PECAM1: variants seen among roughly 807,000 people sequenced by gnomAD.
The protein encoded by PECAM1 is platelet endothelial cell adhesion molecule.
Under a neutral mutation model 13.8 loss-of-function variants are expected in PECAM1, and 8 were observed. The ratio of observed to expected loss-of-function variants is 0.58; its 90% CI spans 0.34 to 1.05. PECAM1 has a LOEUF of 1.05. PECAM1 is among the 50% of genes least tolerant of loss of function. The pLI is 0.03. For missense variants in PECAM1, 304 were observed against 141.2 expected (o/e 2.15, Z -5.84); for synonymous variants, 136 against 52.6 (o/e 2.58, Z -6.86).
intron 14 of PECAM1, among the ~76,000 whole-genome samples, chr17:64,330,285 CT>C (rs2035072485): frequency 6.6e-6 from 1 of 152,100 alleles, no homozygotes; most frequent in Non-Finnish European, 1.5e-5. Context: ...TCCCAAAGTG[CT>C]GGGATTACAA....
At chr17:64,330,581 A>C (rs2035084485) in intron 14 of PECAM1, among the ~76,000 whole-genome samples, 1 of 151,246 alleles carries the variant, frequency 6.6e-6, no homozygotes, top group South Asian at 2.1e-4. Context: ...GGTTGCAGTG[A>C]GCTGAGATCG....
chr17:64,382,291 G>A (rs1479722076), intron 2 of PECAM1, among the ~76,000 whole-genome samples: 11 of 152,142 alleles, frequency 7.2e-5, no homozygotes, highest in African/African-American at 2.7e-4. Flanking sequence ...CTAAAGAGCA[G>A]AAATCAAGTG....
chr17:64,371,896 T>C (rs2036249520), intron 4 of PECAM1, among the ~76,000 whole-genome samples: 5 of 152,162 alleles, frequency 3.3e-5, no homozygotes, highest in African/African-American at 9.7e-5. Flanking sequence ...AAAATGACTT[T>C]AGTCAAATTT....
rs921835362 is a variant in PECAM1 at position 64,356,279 on chromosome 17, T to C, written c.1612A>G (p.Arg538Gly). The change falls in exon 8 of 16, where the codon AGA (arginine) becomes GGA (glycine). Residue 538 changes from arginine to glycine, a missense_variant. Physicochemically the swap from Arg to Gly is moderately radical, Grantham distance 125 (BLOSUM62 -2). Coordinates refer to ENST00000563924, the MANE Select transcript of PECAM1 (RefSeq NM_000442.5). ...TAGAAGGGTTTGCCCTCTTTTTCTC[T>C]GTAAAACTTATAGGTGATGGGACCA... ...GSGPITYKFY[R>G]EKEGKPFYQM... is the part of the protein sequence containing the mutation. 2 of 474,904 alleles carry C rather than the reference T, an allele frequency of 4.2e-6. No homozygotes were observed. Among genetic ancestry groups the C allele is most frequent in the East Asian group, 3.1e-5 (1 of 31,990 alleles). 29.4% of individuals were successfully genotyped at this position (474,904 alleles called of 1,614,324 possible). A position where few individuals can be genotyped will look rare whatever the true frequency, so the allele number is the denominator to read the frequency against.
intron 14 of PECAM1, among the ~76,000 whole-genome samples, chr17:64,330,036 C>T (rs931518776): frequency 1.3e-5 from 2 of 151,954 alleles, no homozygotes; most frequent in African/African-American, 2.4e-5. Context: ...CTTGGCTCAC[C>T]GTAACCTCTA....
At chr17:64,374,306 A>G (rs1237537502) in intron 4 of PECAM1, among the ~76,000 whole-genome samples, 3 of 152,104 alleles carry the variant, frequency 2.0e-5, no homozygotes, top group Non-Finnish European at 2.9e-5. Context: ...CCTGGCCAAC[A>G]TGGTAAAACC....
intron 15 of PECAM1, among the ~76,000 whole-genome samples, 154 bp downstream of exon 15, chr17:64,329,546 C>T (rs1403434999): frequency 6.6e-6 from 1 of 152,098 alleles, no homozygotes; most frequent in Non-Finnish European, 1.5e-5. Context: ...TCAGAACTGG[C>T]CAAGGCTAGT....
chr17:64,341,345 A>G (rs2035425436), intron 14 of PECAM1, among the ~76,000 whole-genome samples: 1 of 152,188 alleles, frequency 6.6e-6, no homozygotes, highest in Admixed American at 6.5e-5. Context: ...CTCGACGTCC[A>G]AGACCTTGGG....
chr17:64,321,318 G>A lies in PECAM1; in HGVS notation c.*2498C>T, dbSNP rs569010407. 7.7e-6 allele frequency: 4 copies of A among 520,868 alleles called. No homozygotes were observed. In the East Asian group the frequency reaches 5.9e-4, roughly 77 times the overall value. 32.3% of individuals were successfully genotyped at this position (520,868 alleles called of 1,614,324 possible). A position where few individuals can be genotyped will look rare whatever the true frequency, so the allele number is the denominator to read the frequency against. On this transcript the variant is annotated 3_prime_UTR_variant, in exon 16 of 16. Transcript: ENST00000563924. The stretch of plus-strand genomic sequence containing the variant: ...GGGATGCTTCAGGTTTAGACACCGG[G>A]GTTACGGCAGCTGCCGAGGAAGGCT...
At chr17:64,367,550 CA>C (rs1178085807) in intron 5 of PECAM1, among the ~76,000 whole-genome samples, 47,937 of 97,468 alleles carry the variant, frequency 0.49, 9,521 homozygotes, top group East Asian at 0.58. Context: ...AACTCCATCT[CA>C]AAAAAAAAAA....
chr17:64,343,955 C>T (rs979960082), intron 13 of PECAM1, among the ~76,000 whole-genome samples: 3 of 152,190 alleles, frequency 2.0e-5, no homozygotes, highest in South Asian at 2.1e-4. Flanking sequence ...GTGTGAACCC[C>T]GCACTGTGGA....
chr17:64,345,278 A>C (rs1441715925), intron 13 of PECAM1, among the ~76,000 whole-genome samples: 1 of 152,118 alleles, frequency 6.6e-6, no homozygotes, highest in African/African-American at 2.4e-5. Flanking sequence ...CCTGAAGGTT[A>C]GGAGGGCTTT....
At chr17:64,364,720 C>T (rs2036063177) in intron 5 of PECAM1, among the ~76,000 whole-genome samples, 3 of 151,780 alleles carry the variant, frequency 2.0e-5, no homozygotes, top group Admixed American at 6.6e-5. Flanking sequence ...AAGACAAAAA[C>T]CACATGATTA....
chr17:64,337,394 C>T (rs2035307366), intron 14 of PECAM1, among the ~76,000 whole-genome samples: 1 of 152,176 alleles, frequency 6.6e-6, no homozygotes, highest in African/African-American at 2.4e-5. Flanking sequence ...GCTCAAGTTC[C>T]TCCTGTGTTT....
intron 2 of PECAM1, among the ~76,000 whole-genome samples, chr17:64,380,069 C>T (rs957347815): frequency 1.2e-4 from 18 of 151,300 alleles, no homozygotes; most frequent in African/African-American, 3.2e-4. Flanking sequence ...CAGTGGCTCA[C>T]GGCTGTAATC....
chr17:64,337,912 CTT>C (rs35448806), intron 14 of PECAM1, among the ~76,000 whole-genome samples: 24 of 140,516 alleles, frequency 1.7e-4, no homozygotes, highest in Non-Finnish European at 2.0e-4. Flanking sequence ...CTACTTCTTC[CTT>C]TTTTTTTTTT....
chr17:64,386,945 T>G (rs1440864245), intron 2 of PECAM1, among the ~76,000 whole-genome samples: 1 of 151,510 alleles, frequency 6.6e-6, no homozygotes, highest in Non-Finnish European at 1.5e-5. Context: ...GAGTGTGAAC[T>G]TAGGGGAGGA....
rs1023832545 is a variant in PECAM1, at chr17:64,390,749, G to A, written c.-84C>T. The A allele has an allele frequency of 2.0e-5, 8 of 407,294 alleles. No individual in the cohort carries two copies. The highest frequency in any genetic ancestry group is 3.1e-5 in the Non-Finnish European group (7 of 227,198). The allele number at this position is 407,294 out of a possible 1,614,324, so 25.2% of individuals were successfully genotyped here. On this transcript the variant is annotated 5_prime_UTR_variant, in exon 1 of 16. The change creates a new upstream start codon in the 5' untranslated region. Coordinates refer to ENST00000563924, the MANE Select transcript of PECAM1 (RefSeq NM_000442.5). The stretch of plus-strand genomic sequence containing the variant: ...CAGAAGGCACTGCCCACAAGTCACC[G>A]TTGAGAAACCCGCCCTGTGAAAAGC...
intron 2 of PECAM1, 143 bp downstream of exon 2, chr17:64,390,343 GATA>G: frequency 2.4e-6 from 1 of 408,764 alleles, no homozygotes. Flanking sequence ...GCCCACATGG[GATA>G]AACTTTAGTT....
Sources: allele counts gnomAD v4.1 joint callset (sites outside exome capture counted in the v4.1 genomes callset), GRCh38; gene constraint gnomAD v4.1.1; transcripts MANE v1.5; gene names NCBI Gene and HGNC (gene_info 2026-07-23, HGNC 2026-07-21).